Variants in TEX15 observed in about 807,000 individuals in gnomAD.
TEX15 encodes the protein testis-expressed protein 15.
TEX15 carries 171 observed loss-of-function variants against 237.3 expected under a neutral mutation model. The observed-to-expected ratio is 0.72, with a 90% CI of 0.64 to 0.82. The LOEUF is 0.82. Among genes scored for constraint, TEX15 ranks in the 40% least tolerant of loss-of-function variants. The pLI is 0.00. For missense variants in TEX15, 3,750 were observed against 3,646.5 expected (o/e 1.03, Z -0.73); for synonymous variants, 1,338 against 1,269.8 (o/e 1.05, Z -1.14).
intron 5 of TEX15, among the ~76,000 whole-genome samples, chr8:30,863,796 C>A (rs1808101031): frequency 6.6e-6 from 1 of 152,110 alleles, no homozygotes; most frequent in Non-Finnish European, 1.5e-5. Flanking sequence ...ATCCTTGGCA[C>A]AGAGACAGCC....
At position 30,837,594 on chromosome 8, in the gene TEX15, G is replaced by C; in HGVS notation, c.8690C>G (p.Pro2897Arg). Reference sequence around the variant, plus strand: ...GACATCTTTCACAAAACAGAAAATTGGCTTTGAGAGCACCGACGCATCAGG... The same window carrying C: ...GACATCTTTCACAAAACAGAAAATTCGCTTTGAGAGCACCGACGCATCAGG... ...LVPDASVLSK[P>R]IFCFVKDVHP... The change falls in exon 10 of 11, where the codon CCA becomes CGA. Residue 2897 changes from proline (P) to arginine (R), a missense_variant. Coordinates refer to ENST00000643185, the MANE Select transcript of TEX15 (RefSeq NM_001350162.2). 1.2e-6 allele frequency: 2 copies of C among 1,613,986 alleles called. No homozygotes were observed. Among genetic ancestry groups the C allele is most frequent in the East Asian group, 2.2e-5 (1 of 44,874 alleles).
rs767863722 is a variant in TEX15 at position 30,846,442 on chromosome 8, T to A, written c.3725A>T (p.Asp1242Val). 1 of 1,613,350 alleles carries A rather than the reference T, an allele frequency of 6.2e-7. No individual in the cohort carries two copies. The highest frequency in any genetic ancestry group is 8.5e-7 in the Non-Finnish European group (1 of 1,179,704). The change falls in exon 8 of 11, where the codon GAC becomes GTC. Residue 1242 changes from aspartate (D) to valine (V), a missense_variant. Coordinates refer to ENST00000643185, the MANE Select transcript of TEX15 (RefSeq NM_001350162.2). ...ATTCACATCTGTATTACGACTCAAG[T>A]CAAAAGAAAGGGAGATTTCAGAGTT... ...VSNSEISLSFDLSRNTDVNHT... is the reference protein window; with the variant it reads ...VSNSEISLSFVLSRNTDVNHT...
chr8:30,869,432 G>A (rs1808244151), intron 4 of TEX15, among the ~76,000 whole-genome samples: 2 of 151,984 alleles, frequency 1.3e-5, no homozygotes, highest in South Asian at 4.1e-4. Flanking sequence ...AACAAGACCA[G>A]CTGAAATCAT....
At chr8:30,868,837 T>C (rs1013590863) in intron 4 of TEX15, among the ~76,000 whole-genome samples, 10 of 150,980 alleles carry the variant, frequency 6.6e-5, no homozygotes, top group Non-Finnish European at 7.4e-5. Flanking sequence ...TTTTCCACAG[T>C]GGCACCAGGG....
intron 1 of TEX15, among the ~76,000 whole-genome samples, chr8:30,907,867 G>A (rs551344692): frequency 6.6e-6 from 1 of 150,536 alleles, no homozygotes; most frequent in African/African-American, 2.4e-5. Flanking sequence ...GAGCCCAGGT[G>A]ATCAAGGCTG....
intron 1 of TEX15, among the ~76,000 whole-genome samples, chr8:30,906,782 CAG>C (rs781692610): frequency 5.3e-5 from 8 of 151,998 alleles, no homozygotes; most frequent in Non-Finnish European, 1.0e-4. Context: ...AATTTATAAG[CAG>C]ATTTTCCCAT....
intron 1 of TEX15, among the ~76,000 whole-genome samples, chr8:30,910,610 C>CTTCT (rs1554504901): frequency 1.0e-5 from 1 of 97,910 alleles, no homozygotes; most frequent in African/African-American, 4.7e-5. Flanking sequence ...CACGCCTGGC[C>CTTCT]TTTTTTTTTT....
intron 2 of TEX15, among the ~76,000 whole-genome samples, chr8:30,895,558 CTT>C (rs35248591): frequency 2.2e-4 from 29 of 134,328 alleles, no homozygotes; most frequent in Admixed American, 3.8e-4. Context: ...AGTATTAGAT[CTT>C]TTTTTTTTTT....
chr8:30,849,288 T>G lies in TEX15; in HGVS notation c.879A>C (p.Thr293=), dbSNP rs1807712574. 6.5e-7 allele frequency: 1 copy of G among 1,530,150 alleles called. No individual in the cohort carries two copies. Among genetic ancestry groups the G allele is most frequent in the African/African-American group, 1.4e-5 (1 of 72,548 alleles). 94.8% of individuals were successfully genotyped at this position (1,530,150 alleles called of 1,614,324 possible). A position where few individuals can be genotyped will look rare whatever the true frequency, so the allele number is the denominator to read the frequency against. Residue 293 remains threonine (T), a synonymous_variant, in exon 8 of 11, where the codon ACA becomes ACC. Transcript: ENST00000643185. ...TTCCTTTTCCAAATCTTTTGGCCAC[T>G]GTACAGTTATTCAGAGAGCATGTCC... ...AERTCSLNNC[T]VAKRFGKGKD...
Position 30,847,081 on chromosome 8 carries a change from C to T in TEX15, c.3086G>A (p.Cys1029Tyr). Residue 1029 changes from cysteine to tyrosine, a missense_variant, in exon 8 of 11, where the codon TGT becomes TAT. Cys to Tyr is a radical substitution (Grantham distance 194). Transcript: ENST00000643185. ...GLLVKHRVSDCEIDTDKNKSQ... is the reference protein window; with the variant it reads ...GLLVKHRVSDYEIDTDKNKSQ... ...TTTATTTTTATCCGTATCAATTTCA[C>T]AATCAGAAACCCTATGTTTTACTAA... 1.2e-6 allele frequency: 2 copies of T among 1,612,956 alleles called. No homozygotes were observed. Among genetic ancestry groups the T allele is most frequent in the Non-Finnish European group, 1.7e-6 (2 of 1,179,606 alleles).
intron 1 of TEX15, among the ~76,000 whole-genome samples, chr8:30,912,438 T>C (rs1200540038): frequency 2.0e-5 from 3 of 152,040 alleles, no homozygotes; most frequent in East Asian, 1.9e-4. Context: ...GACTACAAAC[T>C]GCGCCTCCAG....
chr8:30,882,380 G>C (rs1400363348), intron 3 of TEX15, among the ~76,000 whole-genome samples: 1 of 152,206 alleles, frequency 6.6e-6, no homozygotes, highest in Non-Finnish European at 1.5e-5. Context: ...TCCGCCTCCT[G>C]GGCTCACACC....
Position 30,858,665 on chromosome 8 carries a change from T to A in TEX15, c.850+3A>T. 2 of 1,530,388 alleles carry A rather than the reference T, an allele frequency of 1.3e-6. No individual in the cohort carries two copies. Among genetic ancestry groups the A allele is most frequent in the Non-Finnish European group, 1.7e-6 (2 of 1,144,360 alleles). The allele number at this position is 1,530,388 out of a possible 1,614,324, so 94.8% of individuals were successfully genotyped here. Reference sequence around the variant, plus strand: ...ATCAAGTACAATCATATGTGTATCTTACCAGCTCTCTTAGGAAATCCTGTT... The same window carrying A: ...ATCAAGTACAATCATATGTGTATCTAACCAGCTCTCTTAGGAAATCCTGTT... On this transcript the variant is annotated splice_donor_region_variant and intron_variant, in intron 7 of 10. Coordinates refer to ENST00000643185, the MANE Select transcript of TEX15 (RefSeq NM_001350162.2).
intron 2 of TEX15, 150 bp downstream of exon 2, chr8:30,898,592 A>G (rs1808950775): frequency 6.6e-6 from 1 of 152,246 alleles, no homozygotes; most frequent in African/African-American, 2.4e-5. Context: ...AAATATTTAC[A>G]TACTTTAAAG....
intron 3 of TEX15, among the ~76,000 whole-genome samples, chr8:30,877,775 A>G (rs371322266): frequency 3.9e-5 from 6 of 152,190 alleles, no homozygotes; most frequent in African/African-American, 1.4e-4. Flanking sequence ...AAACTAGGAA[A>G]ATGACATTGG....
chr8:30,890,309 A>G (rs1313617792), intron 2 of TEX15, among the ~76,000 whole-genome samples: 3 of 152,168 alleles, frequency 2.0e-5, no homozygotes, highest in Non-Finnish European at 4.4e-5. Flanking sequence ...TTCTTAGGAA[A>G]AAAGCTACCA....
chr8:30,875,153 C>G, intron 3 of TEX15, 51 bp from the exon 4 acceptor site: 2 of 1,145,992 alleles, frequency 1.7e-6, no homozygotes, highest in Non-Finnish European at 2.2e-6. Context: ...CATTATTGGA[C>G]ATCTGTACAA....
intron 5 of TEX15, 30 bp from the exon 6 acceptor site, chr8:30,860,087 C>G (rs539125528): frequency 7.0e-7 from 1 of 1,426,814 alleles, no homozygotes; most frequent in African/African-American, 1.5e-5. Context: ...AAAAAAAGTA[C>G]GTAAAAATAT....
chr8:30,838,601 T>C (rs1458943148), intron 9 of TEX15, among the ~76,000 whole-genome samples: 1 of 151,250 alleles, frequency 6.6e-6, no homozygotes, highest in African/African-American at 2.4e-5. Context: ...AATTATTAGC[T>C]AAATTCAGAC....
Sources: allele counts gnomAD v4.1 joint callset (sites outside exome capture counted in the v4.1 genomes callset), GRCh38; gene constraint gnomAD v4.1.1; transcripts MANE v1.5; gene names NCBI Gene and HGNC (gene_info 2026-07-23, HGNC 2026-07-21).